The following INVS variants were observed in gnomAD, a reference collection of about 807,000 sequenced individuals.
The protein encoded by INVS is inversin.
INVS carries 86 observed loss-of-function variants against 108.8 expected under a neutral mutation model. The observed-to-expected ratio is 0.79, with a 90% CI of 0.66 to 0.95. The LOEUF (loss-of-function observed/expected upper bound fraction) is 0.95. Among genes scored for constraint, INVS ranks in the 40% least tolerant of loss-of-function variants. The pLI is 0.00. For synonymous variants in INVS, 455 were observed against 473.5 expected (o/e 0.96, Z 0.51); for missense variants, 1,169 against 1,297.4 (o/e 0.90, Z 1.52).
chr9:100,291,212 C>T (rs375125543), intron 13 of INVS, among the ~76,000 whole-genome samples: 6 of 152,112 alleles, frequency 3.9e-5, no homozygotes, highest in South Asian at 2.1e-4. Flanking sequence ...TACACGCGTG[C>T]GCCACCATGC....
intron 3 of INVS, 145 bp from the exon 4 acceptor site, chr9:100,225,917 G>T: frequency 1.6e-6 from 1 of 613,372 alleles, no homozygotes. Flanking sequence ...ATAGTATAGT[G>T]GAATTACAAG....
chr9:100,297,957 T>C lies in INVS; in HGVS notation c.3038T>C (p.Ile1013Thr). The C allele has an allele frequency of 2.5e-6, 4 of 1,614,164 alleles. No individual in the cohort carries two copies. Among genetic ancestry groups the C allele is most frequent in the Non-Finnish European group, 3.4e-6 (4 of 1,180,004 alleles). The change falls in exon 16 of 17, where the codon ATA becomes ACA. Residue 1013 changes from isoleucine (I) to threonine (T), a missense_variant. Physicochemically the swap from Ile to Thr is moderately conservative, Grantham distance 89. This residue lies in a region of INVS where 533 missense variants were observed against 536.0 expected (regional missense o/e 0.99). Coordinates refer to ENST00000262457, the MANE Select transcript of INVS (RefSeq NM_014425.5). ...TCAGGTTGTTCTCACGAAGGGAAAA[T>C]ACATCATCCTACAAGATCTGTAAAA... Reference protein sequence around the residue: ...QIYGCSHEGKIHHPTRSVKAS... With the variant: ...QIYGCSHEGKTHHPTRSVKAS...
chr9:100,229,623 T>C, intron 4 of INVS, 37 bp from the exon 5 acceptor site: 1 of 1,598,770 alleles, frequency 6.3e-7, no homozygotes, highest in Non-Finnish European at 8.6e-7. Flanking sequence ...AAGTTAGTTG[T>C]TACTGTTGTT....
At chr9:100,198,007 G>C (rs1830427868) in intron 3 of INVS, among the ~76,000 whole-genome samples, 1 of 152,034 alleles carries the variant, frequency 6.6e-6, no homozygotes. Context: ...ACTGTAACTA[G>C]GTCTGTGGGA....
Position 100,292,519 on chromosome 9 carries a change from T to C in INVS, c.2262T>C (p.Asp754=). 1.2e-6 allele frequency: 2 copies of C among 1,613,850 alleles called. No individual in the cohort carries two copies. The highest frequency in any genetic ancestry group is 1.7e-6 in the Non-Finnish European group (2 of 1,179,970). The change falls in exon 14 of 17, where the codon GAT becomes GAC. Residue 754 remains aspartate (D), a synonymous_variant. Coordinates refer to ENST00000262457, the MANE Select transcript of INVS (RefSeq NM_014425.5). ...QPSCIRVAGP[D]EKGEDSRRAA... is the part of the protein sequence containing the mutation. ...CCTGTATCAGGGTGGCTGGGCCTGA[T>C]GAGAAAGGAGAGGACTCCAGGCGGG...
intron 15 of INVS, 147 bp from the exon 16 acceptor site, chr9:100,297,789 C>T: frequency 1.3e-6 from 1 of 780,454 alleles, no homozygotes; most frequent in Non-Finnish European, 2.3e-6. Flanking sequence ...GGACTTTACC[C>T]TGGGCCTACA....
intron 3 of INVS, among the ~76,000 whole-genome samples, chr9:100,142,724 G>T (rs1198762655): frequency 6.6e-6 from 1 of 152,172 alleles, no homozygotes; most frequent in Non-Finnish European, 1.5e-5. Context: ...AGTCAGTTGA[G>T]CATACTTTGT....
At chr9:100,157,154 G>C (rs1024321537) in intron 3 of INVS, among the ~76,000 whole-genome samples, 8 of 150,478 alleles carry the variant, frequency 5.3e-5, no homozygotes, top group Non-Finnish European at 1.2e-4. Context: ...AGAAGAATAT[G>C]TATAGTAGAA....
chr9:100,257,660 C>G (rs1483741036), intron 10 of INVS, among the ~76,000 whole-genome samples: 1 of 152,208 alleles, frequency 6.6e-6, no homozygotes, highest in Non-Finnish European at 1.5e-5. Context: ...TTCTCCTTCA[C>G]TTATGAAGCT....
intron 8 of INVS, among the ~76,000 whole-genome samples, chr9:100,248,406 G>A (rs183076654): frequency 1.3e-5 from 2 of 151,250 alleles, no homozygotes; most frequent in East Asian, 3.9e-4. Context: ...ATTTTATTAT[G>A]TCAGAGATGC....
At chr9:100,230,539 GAC>G (rs765797060) in intron 5 of INVS, among the ~76,000 whole-genome samples, 11 of 151,806 alleles carry the variant, frequency 7.2e-5, no homozygotes, top group South Asian at 2.1e-4. Context: ...TTTATTTTGA[GAC>G]AGAGTCTTGC....
intron 2 of INVS, among the ~76,000 whole-genome samples, chr9:100,121,062 A>G (rs1827713495): frequency 6.6e-6 from 1 of 152,144 alleles, no homozygotes; most frequent in South Asian, 2.1e-4. Flanking sequence ...AGTTGACTAC[A>G]GTTTTTTTTT....
At chr9:100,285,897 A>AT (rs1833425486) in intron 13 of INVS, among the ~76,000 whole-genome samples, 1 of 152,194 alleles carries the variant, frequency 6.6e-6, no homozygotes, top group Non-Finnish European at 1.5e-5. Flanking sequence ...CTACTCTTAT[A>AT]AGTTAGAGAA....
intron 2 of INVS, among the ~76,000 whole-genome samples, chr9:100,107,204 C>T (rs1163185183): frequency 2.6e-5 from 4 of 152,120 alleles, no homozygotes; most frequent in Non-Finnish European, 5.9e-5. Flanking sequence ...TGTCAGTAAC[C>T]CCAGAAGCCC....
intron 16 of INVS, chr9:100,298,437 G>A (rs7028101): frequency 0.15 from 89,076 of 593,134 alleles, 6,828 homozygotes; most frequent in Non-Finnish European, 0.16. Flanking sequence ...TCAGCTGTGC[G>A]TGCTTTCCCT....
Position 100,229,749 on chromosome 9 carries a change from T to A in INVS, c.537T>A (p.Asp179Glu). The A allele has an allele frequency of 6.2e-7, 1 of 1,614,142 alleles. No homozygotes were observed. The highest frequency in any genetic ancestry group is 8.5e-7 in the Non-Finnish European group (1 of 1,179,998). The change falls in exon 5 of 17, where the codon GAT (aspartate) becomes GAA (glutamate). Residue 179 changes from aspartate (D) to glutamate (E), a missense_variant. Around this residue, in one of 3 missense-constraint regions of INVS, gnomAD observed 365 missense variants for 397.5 expected, o/e 0.92. Transcript: ENST00000262457. The part of the protein sequence containing the change: ...IKHDSNIGIP[D>E]VEGKIPLHWA... ...ATGATTCTAACATTGGGATTCCTGATGTTGAAGGCAAGATCCCACTTCACT... is the reference window on the plus strand; with the variant it reads ...ATGATTCTAACATTGGGATTCCTGAAGTTGAAGGCAAGATCCCACTTCACT...
chr9:100,260,221 A>T (rs1832575681), intron 10 of INVS, among the ~76,000 whole-genome samples: 2 of 101,202 alleles, frequency 2.0e-5, no homozygotes, highest in Non-Finnish European at 1.9e-5. Flanking sequence ...CAAGAGTCTC[A>T]TTCTTTCACC....
intron 3 of INVS, among the ~76,000 whole-genome samples, chr9:100,178,018 A>G (rs1310615910): frequency 6.6e-6 from 1 of 152,234 alleles, no homozygotes; most frequent in Non-Finnish European, 1.5e-5. Flanking sequence ...AAACTCCAGC[A>G]AACCTGTAGA....
intron 2 of INVS, among the ~76,000 whole-genome samples, chr9:100,112,263 C>T (rs529273122): frequency 2.0e-5 from 3 of 152,338 alleles, no homozygotes; most frequent in South Asian, 4.1e-4. Context: ...TGAGCCACCA[C>T]GCCCAGCCGG....
Sources: gnomAD v4.1 joint callset for allele counts (sites outside exome capture counted in the v4.1 genomes callset) on GRCh38, gnomAD v4.1.1 for gene constraint, gnomAD v4.1.1 regional missense constraint, MANE v1.5 for transcripts, NCBI Gene and HGNC (gene_info 2026-07-23, HGNC 2026-07-21) for gene names.